UBE2H: variants seen among roughly 807,000 people sequenced by gnomAD.
UBE2H encodes ubiquitin-conjugating enzyme E2 H.
Under a neutral mutation model 29.0 loss-of-function variants are expected in UBE2H, and 3 were observed. The observed-to-expected ratio is 0.10, with a 90% CI of 0.05 to 0.27. The LOEUF is 0.27. UBE2H is among the 10% of genes least tolerant of loss of function. UBE2H has a pLI of 1.00. For missense variants in UBE2H, 68 were observed against 228.2 expected (o/e 0.30, Z 4.52); for synonymous variants, 69 against 82.9 (o/e 0.83, Z 0.91).
chr7:129,864,656 A>G (rs948586557), intron 3 of UBE2H, among the ~76,000 whole-genome samples: 19 of 148,892 alleles, frequency 1.3e-4, no homozygotes, highest in African/African-American at 4.5e-4. Flanking sequence ...GGTTCAAGCT[A>G]TTCTCCTGCC....
intron 3 of UBE2H, among the ~76,000 whole-genome samples, chr7:129,872,625 T>C (rs1806062386): frequency 6.6e-6 from 1 of 151,942 alleles, no homozygotes; most frequent in Non-Finnish European, 1.5e-5. Context: ...GTGGATCACC[T>C]GAGGTCAGGC....
chr7:129,906,203 T>G (rs1806812227), intron 1 of UBE2H, among the ~76,000 whole-genome samples: 2 of 148,126 alleles, frequency 1.4e-5, no homozygotes, highest in South Asian at 4.2e-4. Context: ...AAGCCATTTT[T>G]TTTTCTTTCT....
intron 3 of UBE2H, among the ~76,000 whole-genome samples, chr7:129,868,376 C>G (rs538556651): frequency 2.0e-5 from 3 of 151,674 alleles, no homozygotes; most frequent in East Asian, 1.9e-4. Context: ...GTCAGGAGAT[C>G]GAGACCATCC....
chr7:129,860,906 G>T (rs1258122276), intron 3 of UBE2H, among the ~76,000 whole-genome samples: 1 of 152,086 alleles, frequency 6.6e-6, no homozygotes, highest in Non-Finnish European at 1.5e-5. Context: ...AAAGGGAACA[G>T]AAGAGGAAAC....
In UBE2H at chr7:129,920,464, A is replaced by T. The variant is rs143554106; in HGVS notation, c.53+32039T>A. 5.1e-3 allele frequency among the ~76,000 whole-genome samples: 783 copies of T among 152,320 alleles called. 4 individuals are homozygous for T. The highest frequency in any genetic ancestry group is 9.7e-3 in the Non-Finnish European group (659 of 68,012). ...AAAAATATGGTACACATATAACTCA[A>T]TATAAATGAACTGGAAACAAATGAA... On this transcript the variant is annotated intron_variant, in intron 1 of 6. Transcript: ENST00000355621.
chr7:129,947,521 G>A (rs1405679789), intron 1 of UBE2H, among the ~76,000 whole-genome samples: 1 of 152,160 alleles, frequency 6.6e-6, no homozygotes, highest in Non-Finnish European at 1.5e-5. Context: ...AGTAACTACT[G>A]ATTAACAGCA....
chr7:129,854,060 G>GGTTTTTT (rs1554430936), intron 5 of UBE2H, among the ~76,000 whole-genome samples: 1 of 100,310 alleles, frequency 1.0e-5, no homozygotes, highest in Non-Finnish European at 2.0e-5. Flanking sequence ...TTTAGTGTTA[G>GGTTTTTT]TTTTTTTTTT....
intron 1 of UBE2H, among the ~76,000 whole-genome samples, chr7:129,901,504 G>A (rs1385609888): frequency 1.3e-5 from 2 of 152,182 alleles, no homozygotes; most frequent in South Asian, 2.1e-4. Flanking sequence ...CTGGCTGGAG[G>A]GGAAGCCACA....
At chr7:129,875,197 G>T (rs1176517914) in intron 3 of UBE2H, among the ~76,000 whole-genome samples, 4 of 152,196 alleles carry the variant, frequency 2.6e-5, no homozygotes, top group Non-Finnish European at 5.9e-5. Flanking sequence ...TATGTTTTTA[G>T]TCTCCTTTAA....
At chr7:129,905,295 T>C (rs1454997233) in intron 1 of UBE2H, among the ~76,000 whole-genome samples, 1 of 151,978 alleles carries the variant, frequency 6.6e-6, no homozygotes, top group African/African-American at 2.4e-5. Flanking sequence ...ACAACAGATC[T>C]ACGATGAGAT....
In UBE2H at chr7:129,952,669, C is replaced by A. The variant is rs1402652907; in HGVS notation, c.-114G>T. On this transcript the variant is annotated 5_prime_UTR_variant, in exon 1 of 7. Coordinates refer to ENST00000355621, the MANE Select transcript of UBE2H (RefSeq NM_003344.4). ...CTCGGTGGAGGTGGCAACACCCCCG[C>A]GGTCCCGGCGGTCCCGTCAGCCGCC... 3 of 1,194,072 alleles carry A rather than the reference C, an allele frequency of 2.5e-6. No homozygotes were observed. The highest frequency in any genetic ancestry group is 3.3e-6 in the Non-Finnish European group (3 of 901,866). 74.0% of individuals were successfully genotyped at this position (1,194,072 alleles called of 1,614,324 possible).
At chr7:129,919,100 T>TAAAAAAAAA (rs1204331286) in intron 1 of UBE2H, among the ~76,000 whole-genome samples, 7 of 72,112 alleles carry the variant, frequency 9.7e-5, no homozygotes, top group East Asian at 5.1e-4. Context: ...AAAAACAAAG[T>TAAAAAAAAA]AAAAAAAAAA....
At chr7:129,874,977 G>C (rs1018733639) in intron 3 of UBE2H, among the ~76,000 whole-genome samples, 2 of 152,172 alleles carry the variant, frequency 1.3e-5, no homozygotes, top group Admixed American at 6.5e-5. Flanking sequence ...AGGCTGCTGG[G>C]AAACACGTGG....
At chr7:129,911,374 TAAAA>T (rs72051594) in intron 1 of UBE2H, among the ~76,000 whole-genome samples, 1 of 143,670 alleles carries the variant, frequency 7.0e-6, no homozygotes. Context: ...CCGTCTCAAT[TAAAA>T]AAAAAAAAAA....
intron 6 of UBE2H, among the ~76,000 whole-genome samples, chr7:129,836,655 A>G (rs1002290109): frequency 2.6e-5 from 4 of 152,108 alleles, no homozygotes; most frequent in African/African-American, 4.8e-5. Flanking sequence ...CAAGGCGGGT[A>G]TATCACCTGA....
intron 3 of UBE2H, among the ~76,000 whole-genome samples, chr7:129,872,087 T>G (rs1332274085): frequency 2.6e-5 from 4 of 152,178 alleles, no homozygotes; most frequent in Admixed American, 2.0e-4. Flanking sequence ...ACTCCTGGCC[T>G]CAAGTGAACC....
chr7:129,837,611 AG>A (rs1207874521), intron 6 of UBE2H, among the ~76,000 whole-genome samples: 1 of 51,938 alleles, frequency 1.9e-5, no homozygotes, highest in Non-Finnish European at 3.7e-5. Context: ...CTGCATTGGG[AG>A]GGGGCGGGGG....
chr7:129,862,379 A>T (rs772017344), intron 3 of UBE2H, among the ~76,000 whole-genome samples: 7 of 152,220 alleles, frequency 4.6e-5, no homozygotes, highest in Non-Finnish European at 8.8e-5. Context: ...TTTCATTTAA[A>T]CTAAAACCAA....
intron 1 of UBE2H, among the ~76,000 whole-genome samples, chr7:129,923,870 C>G (rs1317541047): frequency 6.6e-6 from 1 of 152,156 alleles, no homozygotes; most frequent in African/African-American, 2.4e-5. Context: ...TAGATACTCT[C>G]ACTCCACAGG....
Sources: gnomAD v4.1 joint callset for allele counts (sites outside exome capture counted in the v4.1 genomes callset) on GRCh38, gnomAD v4.1.1 for gene constraint, MANE v1.5 for transcripts, NCBI Gene and HGNC (gene_info 2026-07-23, HGNC 2026-07-21) for gene names.